Variants in MAU2 observed in about 807,000 individuals in gnomAD.
MAU2 encodes MAU2 chromatid cohesion factor homolog.
Under a neutral mutation model 89.1 loss-of-function variants are expected in MAU2, and 9 were observed. The ratio of observed to expected loss-of-function variants is 0.10; its 90% CI spans 0.06 to 0.18. The LOEUF is 0.18. Ranked by LOEUF, MAU2 falls within the 10% of genes least tolerant of loss-of-function variation. MAU2 has a pLI of 1.00. For missense variants in MAU2, 425 were observed against 803.5 expected (o/e 0.53, Z 5.69); for synonymous variants, 357 against 343.4 (o/e 1.04, Z -0.44).
rs759282797 is a variant in MAU2, at chr19:19,341,306, G to A, written c.634G>A (p.Gly212Arg). 4 of 1,613,278 alleles carry A rather than the reference G, an allele frequency of 2.5e-6. No homozygotes were observed. The East Asian group carries it at 6.7e-5, about 27-fold the overall frequency. The change falls in exon 7 of 19, where the codon GGG becomes AGG. Residue 212 changes from glycine to arginine, a missense_variant. By Grantham distance (125) the Gly-to-Arg change is moderately radical. Around this residue, in one of 11 missense-constraint regions of MAU2, gnomAD observed 119 missense variants for 299.8 expected, o/e 0.40. Transcript: ENST00000262815. ...GGTGCACCCGCTGCTGACCCTCTGC[G>A]GGCAGATCGTGGAGAACTGGCAGGG... ...QEVHPLLTLCGQIVENWQGNP... is the reference protein window; with the variant it reads ...QEVHPLLTLCRQIVENWQGNP...
intron 9 of MAU2, among the ~76,000 whole-genome samples, chr19:19,343,362 G>T (rs772277576): frequency 3.1e-4 from 47 of 152,310 alleles, no homozygotes; most frequent in Non-Finnish European, 6.3e-4. Flanking sequence ...TGCTGCTGGG[G>T]GAGAAGGCAT....
intron 1 of MAU2, among the ~76,000 whole-genome samples, chr19:19,331,718 A>T (rs2061557045): frequency 6.6e-6 from 1 of 152,134 alleles, no homozygotes. Context: ...CCTGTGCAGC[A>T]TAGCAAGACC....
intron 10 of MAU2, chr19:19,344,623 C>T: frequency 1.7e-6 from 1 of 587,800 alleles, no homozygotes; most frequent in Non-Finnish European, 3.1e-6. Flanking sequence ...ACCCAGACAC[C>T]TGTTGGACAG....
At chr19:19,332,160 A>T (rs867406594) in intron 1 of MAU2, among the ~76,000 whole-genome samples, 6 of 152,210 alleles carry the variant, frequency 3.9e-5, no homozygotes, top group African/African-American at 1.4e-4. Flanking sequence ...GTCAAACATC[A>T]TGGGGCTTTT....
intron 3 of MAU2, 44 bp from the exon 4 acceptor site, chr19:19,337,126 T>TG (rs1599904180): frequency 4.1e-6 from 6 of 1,475,218 alleles, no homozygotes; most frequent in Non-Finnish European, 4.7e-6. Flanking sequence ...GCCGCCTTGT[T>TG]TTTTTTTTTT....
intron 1 of MAU2, among the ~76,000 whole-genome samples, chr19:19,325,377 C>T (rs1216930039): frequency 6.6e-5 from 10 of 152,118 alleles, no homozygotes; most frequent in East Asian, 1.9e-4. Context: ...GGTTTCACCA[C>T]GTTGGTCAGG....
intron 7 of MAU2, 115 bp downstream of exon 7, chr19:19,341,522 CA>C: frequency 7.9e-7 from 1 of 1,272,960 alleles, no homozygotes; most frequent in Non-Finnish European, 1.1e-6. Flanking sequence ...CCTTGCCACA[CA>C]ACAGGGCTGT....
intron 1 of MAU2, among the ~76,000 whole-genome samples, chr19:19,326,939 T>G (rs1218255472): frequency 2.0e-5 from 3 of 150,908 alleles, no homozygotes; most frequent in Non-Finnish European, 4.4e-5. Flanking sequence ...GGGTATGTCT[T>G]CCTTTCCTCA....
rs146611466 is a variant in MAU2, at chr19:19,332,119, T to C, written c.277-3599T>C. On this transcript the variant is annotated intron_variant, in intron 1 of 18. Transcript: ENST00000262815. The stretch of plus-strand genomic sequence containing the variant: ...TCCCGAGCACCTACTGGATGTCAGC[T>C]TGCTGCAGGCATTGCAGCCACAACT... 5.3e-3 allele frequency among the ~76,000 whole-genome samples: 806 copies of C among 152,350 alleles called. 3 individuals carry two copies. The highest frequency in any genetic ancestry group is 0.03 in the South Asian group (147 of 4,832).
chr19:19,322,270 T>A (rs1158607684), intron 1 of MAU2, among the ~76,000 whole-genome samples: 4 of 152,124 alleles, frequency 2.6e-5, no homozygotes, highest in Non-Finnish European at 4.4e-5. Context: ...AGTGCTGGGA[T>A]TACAGGCTTG....
chr19:19,332,388 G>A (rs557357796), intron 1 of MAU2, among the ~76,000 whole-genome samples: 5 of 146,178 alleles, frequency 3.4e-5, no homozygotes, highest in Admixed American at 7.1e-5. Context: ...TGCCCAGGCC[G>A]GTCACAAAAA....
At position 19,355,818 on chromosome 19, in the gene MAU2, CGCGTCTCCGGCTTCCACCCAGACG is replaced by C. The variant is rs756280865; in HGVS notation, c.*39_*62del. On this transcript the variant is annotated 3_prime_UTR_variant, in exon 19 of 19. Coordinates refer to ENST00000262815, the MANE Select transcript of MAU2 (RefSeq NM_015329.4). ...GGGCCATCCAGCTCCGCAGGGCCTG[CGCGTCTCCGGCTTCCACCCAGACG>C]GCACTCAAGCCTGCCCCCGAGGCGT... 6 of 1,576,994 alleles carry C rather than the reference CGCGTCTCCGGCTTCCACCCAGACG, an allele frequency of 3.8e-6. No individual in the cohort carries two copies. The South Asian group carries it at 6.6e-5, about 17-fold the overall frequency.
intron 5 of MAU2, 77 bp downstream of exon 5, chr19:19,339,016 C>A: frequency 8.6e-7 from 1 of 1,160,282 alleles, no homozygotes; most frequent in Non-Finnish European, 1.2e-6. Context: ...GGACAAATAA[C>A]AGAAATGGCA....
At chr19:19,336,006 G>T in intron 2 of MAU2, 116 bp from the exon 3 acceptor site, 1 of 784,832 alleles carries the variant, frequency 1.3e-6, no homozygotes. Context: ...GGAATTTCAG[G>T]GCAGGCAGGG....
At chr19:19,336,057 A>G (rs1354246589) in intron 2 of MAU2, 65 bp from the exon 3 acceptor site, 2 of 1,175,932 alleles carry the variant, frequency 1.7e-6, no homozygotes, top group African/African-American at 3.0e-5. Context: ...AGGAGCCCCA[A>G]GCTGTGGCCC....
At chr19:19,329,356 T>G (rs1165846079) in intron 1 of MAU2, among the ~76,000 whole-genome samples, 1 of 152,190 alleles carries the variant, frequency 6.6e-6, no homozygotes, top group African/African-American at 2.4e-5. Context: ...TGAAATCTGT[T>G]TAGGAACCAT....
At position 19,330,431 on chromosome 19, in the gene MAU2, A is replaced by G. The variant is rs1490290620; in HGVS notation, c.277-5287A>G. ...GCAAGATAGCGAGACCCCCATCTCT[A>G]CAAAAAAGTAAAACAATTAGTTGGG... On this transcript the variant is annotated intron_variant, in intron 1 of 18. Transcript: ENST00000262815. Among the ~76,000 whole-genome samples the G allele has an allele frequency of 4.6e-5, 7 of 151,276 alleles. No homozygotes were observed. In the East Asian group the frequency reaches 1.2e-3, roughly 26 times the overall value.
intron 1 of MAU2, among the ~76,000 whole-genome samples, chr19:19,326,721 C>CATATATACAT (rs2061510449): frequency 1.2e-5 from 1 of 80,992 alleles, no homozygotes; most frequent in Non-Finnish European, 2.5e-5. Context: ...TATATATATA[C>CATATATACAT]ATATATATAT....
chr19:19,350,607 C>CAA (rs35857527), intron 16 of MAU2, among the ~76,000 whole-genome samples: 14 of 130,452 alleles, frequency 1.1e-4, no homozygotes, highest in South Asian at 4.8e-4. Context: ...GACTCCATCT[C>CAA]AAAAAAAAAA....
Sources: gnomAD v4.1 joint callset for allele counts (sites outside exome capture counted in the v4.1 genomes callset) on GRCh38, gnomAD v4.1.1 for gene constraint, gnomAD v4.1.1 regional missense constraint, MANE v1.5 for transcripts, NCBI Gene and HGNC (gene_info 2026-07-23, HGNC 2026-07-21) for gene names.